The following ME3 variants were observed in gnomAD, a reference collection of about 807,000 sequenced individuals.
ME3 encodes the protein malic enzyme 3, also known as NADP-dependent malic enzyme, mitochondrial.
In ME3, 48 loss-of-function variants were observed where a neutral mutation model predicts 68.9. The ratio of observed to expected loss-of-function variants is 0.70; its 90% confidence interval spans 0.55 to 0.89. ME3 has a LOEUF of 0.89. ME3 is among the 40% of genes least tolerant of loss of function. The pLI, the probability that ME3 is intolerant of heterozygous loss-of-function variation, is 0.00. For missense variants in ME3, 675 were observed against 797.4 expected, an observed-to-expected ratio of 0.85 and a Z score of 1.85; for synonymous variants, 320 against 318.8, an observed-to-expected ratio of 1.00 and a Z score of -0.04.
At chr11:86,668,840 G>C (rs1165306168) in intron 2 of ME3, among the ~76,000 whole-genome samples, 3 of 152,178 alleles carry the variant, frequency 2.0e-5, no homozygotes, top group Non-Finnish European at 4.4e-5. Flanking sequence ...TGTTAAGCTA[G>C]ATCTTTCAGG....
At chr11:86,458,305 C>A (rs1283079570) in intron 8 of ME3, among the ~76,000 whole-genome samples, 2 of 152,192 alleles carry the variant, frequency 1.3e-5, no homozygotes, top group African/African-American at 2.4e-5. Flanking sequence ...TTCAGATTCC[C>A]CTTTATTGGA....
At chr11:86,654,546 AC>A (rs1343389981) in intron 2 of ME3, among the ~76,000 whole-genome samples, 2 of 152,150 alleles carry the variant, frequency 1.3e-5, no homozygotes, top group East Asian at 1.9e-4. Flanking sequence ...AAATTCAACA[AC>A]CCTTCATGCT....
chr11:86,600,618 G>C (rs1385914979), intron 2 of ME3, among the ~76,000 whole-genome samples: 1 of 151,528 alleles, frequency 6.6e-6, no homozygotes, highest in Non-Finnish European at 1.5e-5. Context: ...GACATCTACA[G>C]AACTCTCCAC....
At chr11:86,513,689 G>A (rs1383281682) in intron 4 of ME3, among the ~76,000 whole-genome samples, 1 of 152,156 alleles carries the variant, frequency 6.6e-6, no homozygotes, top group Non-Finnish European at 1.5e-5. Flanking sequence ...TAAAATGTGC[G>A]GGGCTAGGGA....
chr11:86,460,891 TC>T (rs1950193989), intron 8 of ME3, among the ~76,000 whole-genome samples: 1 of 152,266 alleles, frequency 6.6e-6, no homozygotes, highest in Non-Finnish European at 1.5e-5. Context: ...ACCAGTCTTC[TC>T]ATTGTCTGCT....
intron 5 of ME3, among the ~76,000 whole-genome samples, chr11:86,506,086 G>A (rs1319024446): frequency 1.3e-5 from 2 of 152,210 alleles, no homozygotes; most frequent in East Asian, 3.9e-4. Flanking sequence ...CTCTTCCAGA[G>A]TAGATGTTTA....
At chr11:86,531,958 C>G (rs1594326077) in intron 4 of ME3, among the ~76,000 whole-genome samples, 1 of 147,532 alleles carries the variant, frequency 6.8e-6, no homozygotes, top group Non-Finnish European at 1.5e-5. Context: ...CACATGTACC[C>G]TAAAACTTAA....
At position 86,448,101 on chromosome 11, in the gene ME3, G is replaced by A; in HGVS notation, c.1237+49C>T. ...TGAGCCTCTGTCTCTCCATCTGCAAGTCAAGAGGGTTAGCTGGGCTGGGTA... is the reference window on the plus strand; with the variant it reads ...TGAGCCTCTGTCTCTCCATCTGCAAATCAAGAGGGTTAGCTGGGCTGGGTA... On this transcript the variant is annotated intron_variant, in intron 11 of 14. Coordinates refer to ENST00000543262, the Ensembl canonical transcript of ME3. The A allele has an allele frequency of 2.9e-6, 4 of 1,357,216 alleles. No individual in the cohort carries two copies. In the South Asian group the frequency reaches 3.6e-5, roughly 12 times the overall value. 84.1% of individuals were successfully genotyped at this position (1,357,216 alleles called of 1,614,324 possible).
intron 2 of ME3, among the ~76,000 whole-genome samples, chr11:86,663,262 C>G (rs542741373): frequency 6.6e-6 from 1 of 152,156 alleles, no homozygotes. Flanking sequence ...TTCTCTCATT[C>G]AAGTTTCTCA....
intron 2 of ME3, among the ~76,000 whole-genome samples, chr11:86,579,465 G>A (rs943573090): frequency 1.3e-5 from 2 of 152,086 alleles, no homozygotes; most frequent in Non-Finnish European, 2.9e-5. Flanking sequence ...TCCTCAGTGG[G>A]GGACTGAAGA....
intron 3 of ME3, among the ~76,000 whole-genome samples, chr11:86,559,258 A>C (rs930881809): frequency 8.8e-5 from 13 of 148,276 alleles, no homozygotes; most frequent in African/African-American, 3.3e-4. Flanking sequence ...CTCCCCCACC[A>C]CGTCCCCCTA....
At position 86,450,225 on chromosome 11, in the gene ME3, C is replaced by T. The variant is rs780833139; in HGVS notation, c.1017+76G>A. On this transcript the variant is annotated intron_variant, in intron 9 of 14. Transcript: ENST00000543262. Reference sequence around the variant, plus strand: ...TCCTCTTTTCAGAACCCCAGAATGCCTCCCTTTTTTGGTATGCTTCCACCC... The same window carrying T: ...TCCTCTTTTCAGAACCCCAGAATGCTTCCCTTTTTTGGTATGCTTCCACCC... 36 of 1,392,624 alleles carry T rather than the reference C, an allele frequency of 2.6e-5. 1 individual carries two copies. The highest frequency in any genetic ancestry group is 1.8e-4 in the Middle Eastern group (1 of 5,656). 86.3% of individuals were successfully genotyped at this position (1,392,624 alleles called of 1,614,324 possible).
At position 86,449,930 on chromosome 11, in the gene ME3, T is replaced by C. The variant is rs766985201; in HGVS notation, c.1090A>G (p.Arg364Gly). The C allele has an allele frequency of 1.1e-5, 17 of 1,614,150 alleles. 1 individual carries two copies. Among genetic ancestry groups the C allele is most frequent in the African/African-American group, 1.3e-5 (1 of 75,060 alleles). The change falls in exon 10 of 15, where the codon AGA (arginine) becomes GGA (glycine). Residue 364 changes from arginine to glycine, a missense_variant. Coordinates refer to ENST00000543262, the Ensembl canonical transcript of ME3. Reference sequence around the variant, plus strand: ...TTAGAGTCCACCATCCAGATCTTTCTTGTGGCCTCTGCCTTCGGTACACCT... The same window carrying C: ...TTAGAGTCCACCATCCAGATCTTTCCTGTGGCCTCTGCCTTCGGTACACCT...
Position 86,597,907 on chromosome 11 carries a change from T to C in ME3, c.184-38084A>G, listed in dbSNP as rs750338010. On this transcript the variant is annotated intron_variant, in intron 2 of 14. Coordinates refer to ENST00000543262, the Ensembl canonical transcript of ME3. ...GATTGATGTCTCATGTCTAAGTCTA[T>C]AGGCAGATTTAAAATGTTTTTAACT... Among the ~76,000 whole-genome samples, 7 of 152,198 alleles carry C rather than the reference T, an allele frequency of 4.6e-5. 1 individual carries two copies. Among genetic ancestry groups the C allele is most frequent in the Admixed American group, 6.5e-5 (1 of 15,300 alleles).
At chr11:86,542,532 G>A (rs895695131) in intron 4 of ME3, among the ~76,000 whole-genome samples, 2 of 152,186 alleles carry the variant, frequency 1.3e-5, no homozygotes, top group Non-Finnish European at 2.9e-5. Flanking sequence ...CAGCAGAATT[G>A]ATTAAGCGGT....
intron 2 of ME3, among the ~76,000 whole-genome samples, chr11:86,583,185 T>A (rs937090836): frequency 7.9e-5 from 12 of 152,174 alleles, no homozygotes; most frequent in Non-Finnish European, 1.2e-4. Flanking sequence ...TCATTCCCTC[T>A]TTCATTTAAT....
At chr11:86,610,082 A>G (rs1357512354) in intron 2 of ME3, among the ~76,000 whole-genome samples, 1 of 152,202 alleles carries the variant, frequency 6.6e-6, no homozygotes, top group African/African-American at 2.4e-5. Context: ...ATGTTTAAAC[A>G]TATGCCAAAA....
chr11:86,625,395 A>G (rs1392776933), intron 2 of ME3, among the ~76,000 whole-genome samples: 4 of 152,036 alleles, frequency 2.6e-5, no homozygotes, highest in African/African-American at 9.7e-5. Context: ...TACAGGAACA[A>G]TGATGAATTT....
intron 2 of ME3, among the ~76,000 whole-genome samples, chr11:86,581,340 G>A (rs1958434470): frequency 6.6e-6 from 1 of 152,138 alleles, no homozygotes; most frequent in Non-Finnish European, 1.5e-5. Flanking sequence ...CTGTAGCATA[G>A]GATAATGATT....
Sources: allele counts gnomAD v4.1 joint callset (sites outside exome capture counted in the v4.1 genomes callset), GRCh38; gene constraint gnomAD v4.1.1; transcripts MANE v1.5; gene names NCBI Gene and HGNC (gene_info 2026-07-23, HGNC 2026-07-21).